XKR4: variants seen among roughly 807,000 people sequenced by gnomAD.
The protein encoded by XKR4 is XK related 4.
A neutral mutation model predicts 53.9 loss-of-function variants in XKR4; 12 were observed. The ratio of observed to expected loss-of-function variants is 0.22; its 90% CI spans 0.14 to 0.36. The LOEUF (loss-of-function observed/expected upper bound fraction) is 0.36. Ranked by LOEUF, XKR4 falls within the 10% of genes least tolerant of loss-of-function variation. XKR4 has a pLI of 1.00. For synonymous variants in XKR4, 354 were observed against 362.4 expected (o/e 0.98, Z 0.26); for missense variants, 799 against 859.5 (o/e 0.93, Z 0.88).
At chr8:55,192,667 T>C (rs1473654092) in intron 1 of XKR4, among the ~76,000 whole-genome samples, 2 of 152,134 alleles carry the variant, frequency 1.3e-5, no homozygotes, top group South Asian at 2.1e-4. Context: ...TATGGGTACA[T>C]TGTGCACATG....
At chr8:55,193,755 C>T (rs1817472407) in intron 1 of XKR4, among the ~76,000 whole-genome samples, 1 of 152,238 alleles carries the variant, frequency 6.6e-6, no homozygotes, top group South Asian at 2.1e-4. Flanking sequence ...GAAGCCCCCT[C>T]AGGTCCCCAG....
At chr8:55,307,300 A>G (rs893268280) in intron 1 of XKR4, among the ~76,000 whole-genome samples, 5 of 152,168 alleles carry the variant, frequency 3.3e-5, no homozygotes, top group African/African-American at 1.2e-4. Context: ...CAGTCAAAAA[A>G]CAAACAACCT....
intron 1 of XKR4, among the ~76,000 whole-genome samples, chr8:55,174,239 A>G (rs2129358885): frequency 6.6e-6 from 1 of 152,288 alleles, no homozygotes; most frequent in East Asian, 1.9e-4. Context: ...CTGAAAAAAT[A>G]TCTTCTAAAT....
chr8:55,519,233 G>T (rs900920412), intron 2 of XKR4, among the ~76,000 whole-genome samples: 2 of 152,064 alleles, frequency 1.3e-5, no homozygotes, highest in Admixed American at 1.3e-4. Flanking sequence ...ATCCCTTTTA[G>T]TCCCCTGTAG....
At chr8:55,333,281 G>C (rs963700743) in intron 1 of XKR4, among the ~76,000 whole-genome samples, 1 of 152,038 alleles carries the variant, frequency 6.6e-6, no homozygotes, top group African/African-American at 2.4e-5. Context: ...GGCCATGTTT[G>C]TCCATGTCTT....
intron 1 of XKR4, among the ~76,000 whole-genome samples, chr8:55,278,291 C>G (rs1472372475): frequency 1.3e-5 from 2 of 149,944 alleles, no homozygotes; most frequent in Admixed American, 1.3e-4. Flanking sequence ...GAGCCAAGAT[C>G]CTGCCACTGC....
chr8:55,125,135 T>A (rs1816445098), intron 1 of XKR4, among the ~76,000 whole-genome samples: 1 of 152,234 alleles, frequency 6.6e-6, no homozygotes, highest in Non-Finnish European at 1.5e-5. Flanking sequence ...TACCTATTTT[T>A]AAAAAATCCA....
intron 1 of XKR4, among the ~76,000 whole-genome samples, chr8:55,264,398 G>T (rs1818570557): frequency 6.6e-6 from 1 of 152,108 alleles, no homozygotes; most frequent in South Asian, 2.1e-4. Context: ...ATCTACTAGT[G>T]CCTAGAACAG....
chr8:55,195,577 G>A (rs550939677), intron 1 of XKR4, among the ~76,000 whole-genome samples: 8 of 151,898 alleles, frequency 5.3e-5, no homozygotes, highest in African/African-American at 9.7e-5. Flanking sequence ...TTTAAAAACC[G>A]TTTACATATT....
chr8:55,520,733 G>A (rs1486712471), intron 2 of XKR4, among the ~76,000 whole-genome samples: 1 of 152,172 alleles, frequency 6.6e-6, no homozygotes, highest in African/African-American at 2.4e-5. Context: ...CTGATAGAAA[G>A]CCTTCATTTT....
intron 1 of XKR4, among the ~76,000 whole-genome samples, chr8:55,169,313 C>T (rs2129358245): frequency 6.6e-6 from 1 of 152,360 alleles, no homozygotes; most frequent in East Asian, 1.9e-4. Context: ...ACTGTTGCCA[C>T]TGAACGCTGC....
intron 1 of XKR4, among the ~76,000 whole-genome samples, chr8:55,154,150 G>A (rs1816876285): frequency 6.6e-6 from 1 of 152,130 alleles, no homozygotes; most frequent in South Asian, 2.1e-4. Flanking sequence ...TAGCATTTCT[G>A]ATCTTAACAC....
At chr8:55,365,220 G>A (rs1446281767) in intron 2 of XKR4, among the ~76,000 whole-genome samples, 1 of 152,224 alleles carries the variant, frequency 6.6e-6, no homozygotes, top group Non-Finnish European at 1.5e-5. Flanking sequence ...GCAGCCTGCT[G>A]TGCGCGCTGG....
chr8:55,334,154 C>A (rs1803419985), intron 1 of XKR4, among the ~76,000 whole-genome samples: 1 of 152,088 alleles, frequency 6.6e-6, no homozygotes, highest in African/African-American at 2.4e-5. Flanking sequence ...GAGGACATTA[C>A]CTCATAGATG....
intron 1 of XKR4, among the ~76,000 whole-genome samples, chr8:55,240,998 G>C (rs1486097122): frequency 1.3e-5 from 2 of 152,232 alleles, no homozygotes; most frequent in African/African-American, 4.8e-5. Context: ...TAATCAGACT[G>C]AGTCTTCAGC....
intron 1 of XKR4, among the ~76,000 whole-genome samples, chr8:55,162,227 T>C (rs1426693736): frequency 2.0e-5 from 3 of 152,108 alleles, no homozygotes; most frequent in African/African-American, 7.2e-5. Context: ...ACACACCGAG[T>C]GCCTCCGACA....
chr8:55,313,409 G>A (rs574434134), intron 1 of XKR4, among the ~76,000 whole-genome samples: 1 of 152,346 alleles, frequency 6.6e-6, no homozygotes, highest in South Asian at 2.1e-4. Flanking sequence ...AGATCAAAGT[G>A]GTGCTAGGGC....
At chr8:55,481,271 A>C (rs987257922) in intron 2 of XKR4, among the ~76,000 whole-genome samples, 4 of 152,198 alleles carry the variant, frequency 2.6e-5, no homozygotes, top group Non-Finnish European at 4.4e-5. Context: ...ACTTTGACAA[A>C]CCTGAGAAAA....
chr8:55,452,582 CA>C, intron 2 of XKR4: 1 of 884,878 alleles, frequency 1.1e-6, no homozygotes, highest in South Asian at 1.4e-5. Flanking sequence ...TCTCCCGCTG[CA>C]CCGCCTCCAG....
Sources: allele counts gnomAD v4.1 joint callset (sites outside exome capture counted in the v4.1 genomes callset), GRCh38; gene constraint gnomAD v4.1.1; transcripts MANE v1.5; gene names NCBI Gene and HGNC (gene_info 2026-07-23, HGNC 2026-07-21).